The following DNAH14 variants were observed in gnomAD, a reference collection of about 807,000 sequenced individuals.
The protein encoded by DNAH14 is axonemal beta dynein heavy chain 14.
Under a neutral mutation model 520.9 loss-of-function variants are expected in DNAH14, and 478 were observed. The ratio of observed to expected loss-of-function variants is 0.92; its 90% CI spans 0.85 to 0.99. The LOEUF is 0.99. Ranked by LOEUF, DNAH14 falls within the 50% of genes least tolerant of loss-of-function variation. The pLI is 0.00. For missense variants in DNAH14, 4,831 were observed against 5,234.5 expected, an observed-to-expected ratio of 0.92 and a Z score of 2.38; for synonymous variants, 1,581 against 1,757.2, an observed-to-expected ratio of 0.90 and a Z score of 2.51.
In DNAH14 at chr1:225,291,740, A is replaced by AT. The variant is rs544450464; in HGVS notation, c.8469+1664dup. Among the ~76,000 whole-genome samples, 865 of 151,864 alleles carry AT rather than the reference A, an allele frequency of 5.7e-3. 6 individuals carry two copies. Among genetic ancestry groups the AT allele is most frequent in the Non-Finnish European group, 7.6e-3 (518 of 67,890 alleles). ...CTCCACATCTTCACCATCATTTGCT[A>AT]TTTTTTGTCTATTTGATGATAGCCA... is the stretch of plus-strand genomic sequence containing the variant. On this transcript the variant is annotated intron_variant, in intron 55 of 85. Transcript: ENST00000682510.
chr1:225,086,092 A>T (rs3128659), intron 21 of DNAH14, among the ~76,000 whole-genome samples: 140,171 of 151,164 alleles, frequency 0.93, 65,206 homozygotes, highest in Non-Finnish European at 0.96. Context: ...TCCCTCACTG[A>T]GCAACCCCAC....
chr1:224,931,031 C>G (rs954498043), intron 1 of DNAH14, among the ~76,000 whole-genome samples: 3 of 152,184 alleles, frequency 2.0e-5, no homozygotes, highest in African/African-American at 7.2e-5. Flanking sequence ...GAGATGACAG[C>G]TCCATGTGTT....
Position 225,353,553 on chromosome 1 carries a change from C to T in DNAH14, c.11534-250C>T, listed in dbSNP as rs113054524. On this transcript the variant is annotated intron_variant, in intron 72 of 85. Transcript: ENST00000682510. ...ATCTGTCCATCATCTTGTTATATTA[C>T]TATTCATTCACCACTTCAGTTGGTC... Among the ~76,000 whole-genome samples, 3 of 152,210 alleles carry T rather than the reference C, an allele frequency of 2.0e-5. No homozygotes were observed. In the South Asian group the frequency reaches 6.2e-4, roughly 32 times the overall value.
At chr1:225,116,172 G>T (rs948722177) in intron 23 of DNAH14, among the ~76,000 whole-genome samples, 3 of 152,194 alleles carry the variant, frequency 2.0e-5, no homozygotes, top group African/African-American at 7.2e-5. Context: ...ACAGGTTGCA[G>T]ATGGGAAAGT....
Position 224,972,458 on chromosome 1 carries a change from C to T in DNAH14, c.768-1633C>T, listed in dbSNP as rs1558559240. Among the ~76,000 whole-genome samples, 12 of 146,888 alleles carry T rather than the reference C, an allele frequency of 8.2e-5. 1 individual carries two copies. The South Asian group carries it at 1.9e-3, about 23-fold the overall frequency. On this transcript the variant is annotated intron_variant, in intron 7 of 85. Transcript: ENST00000682510. Reference sequence around the variant, plus strand: ...AGCTGGGACTACAGATGCCTACCACCGCACCTGGCTAATTTTTTTTTTTTT... The same window carrying T: ...AGCTGGGACTACAGATGCCTACCACTGCACCTGGCTAATTTTTTTTTTTTT...
intron 56 of DNAH14, among the ~76,000 whole-genome samples, chr1:225,302,583 G>A (rs1322265182): frequency 1.3e-5 from 2 of 152,158 alleles, no homozygotes. Flanking sequence ...TGCCAGTCTT[G>A]CCAAGAACCC....
chr1:225,352,229 G>C (rs2095374876), intron 72 of DNAH14, among the ~76,000 whole-genome samples: 2 of 152,070 alleles, frequency 1.3e-5, no homozygotes, highest in South Asian at 4.1e-4. Flanking sequence ...CATGGGAAAG[G>C]ATCTTACCTT....
At chr1:225,006,876 G>A (rs1012739127) in intron 9 of DNAH14, among the ~76,000 whole-genome samples, 10 of 152,008 alleles carry the variant, frequency 6.6e-5, no homozygotes, top group African/African-American at 2.2e-4. Context: ...CTGGTTTTGC[G>A]GCTCGGGGGC....
In DNAH14 at chr1:225,214,139, G is replaced by A. The variant is rs181077224; in HGVS notation, c.6439+6919G>A. On this transcript the variant is annotated intron_variant, in intron 41 of 85. Coordinates refer to ENST00000682510, the MANE Select transcript of DNAH14 (RefSeq NM_001367479.1). Reference sequence around the variant, plus strand: ...TGAAGAGCTGTTGAATTTTTTCGAAGGCCTTTTCTGTATCTATTGAGATAA... The same window carrying A: ...TGAAGAGCTGTTGAATTTTTTCGAAAGCCTTTTCTGTATCTATTGAGATAA... 5.3e-5 allele frequency among the ~76,000 whole-genome samples: 8 copies of A among 152,188 alleles called. No individual in the cohort carries two copies. The East Asian group carries it at 1.5e-3, about 29-fold the overall frequency.
chr1:225,363,360 T>A (rs1381213249), intron 75 of DNAH14, among the ~76,000 whole-genome samples: 2 of 152,198 alleles, frequency 1.3e-5, no homozygotes, highest in African/African-American at 4.8e-5. Context: ...TTGTATTAAG[T>A]TTTCATGTCT....
At chr1:225,346,795 T>C in intron 71 of DNAH14, 141 bp downstream of exon 71, 1 of 579,010 alleles carries the variant, frequency 1.7e-6, no homozygotes, top group Non-Finnish European at 3.0e-6. Context: ...TGTTACTCAA[T>C]AATTTTTTAA....
chr1:225,194,917 C>T (rs1360953854), intron 38 of DNAH14, among the ~76,000 whole-genome samples: 1 of 152,126 alleles, frequency 6.6e-6, no homozygotes, highest in Non-Finnish European at 1.5e-5. Flanking sequence ...AAAAAATACT[C>T]ATCATCACTA....
chr1:225,195,779 A>G (rs1374683140), intron 38 of DNAH14, among the ~76,000 whole-genome samples: 3 of 152,114 alleles, frequency 2.0e-5, no homozygotes, highest in African/African-American at 4.8e-5. Flanking sequence ...CAGCCCAGCT[A>G]TTATTCAAAA....
rs2094612209 is a variant in DNAH14 at position 225,324,366 on chromosome 1, T to C, written c.9627+13T>C. The C allele has an allele frequency of 1.3e-6, 2 of 1,549,530 alleles. No individual in the cohort carries two copies. Among genetic ancestry groups the C allele is most frequent in the Non-Finnish European group, 1.7e-6 (2 of 1,146,002 alleles). On this transcript the variant is annotated intron_variant, in intron 63 of 85. Transcript: ENST00000682510. ...TGAAGTACAGAAGGTATGCTTTTCC[T>C]CCTAAACATCTGTCATGATTTGGAA...
intron 44 of DNAH14, among the ~76,000 whole-genome samples, chr1:225,257,097 T>C (rs1273114122): frequency 1.3e-5 from 2 of 152,208 alleles, no homozygotes; most frequent in African/African-American, 4.8e-5. Context: ...TTTTGTAATG[T>C]GCAGACTTTT....
At chr1:225,261,426 T>A (rs1054447994) in intron 46 of DNAH14, among the ~76,000 whole-genome samples, 2 of 152,208 alleles carry the variant, frequency 1.3e-5, no homozygotes, top group African/African-American at 2.4e-5. Flanking sequence ...TCTGTTAATA[T>A]GGGATATCAC....
At chr1:224,999,996 T>G (rs189484801) in intron 8 of DNAH14, among the ~76,000 whole-genome samples, 83 of 152,326 alleles carry the variant, frequency 5.4e-4, no homozygotes, top group Non-Finnish European at 9.1e-4. Flanking sequence ...TTTATCATGT[T>G]CTTTCTTCCT....
Position 225,324,313 on chromosome 1 carries a change from A to G in DNAH14, c.9587A>G (p.Gln3196Arg), listed in dbSNP as rs1222888928. 1.3e-6 allele frequency: 2 copies of G among 1,551,938 alleles called. No individual in the cohort carries two copies. Among genetic ancestry groups the G allele is most frequent in the Admixed American group, 2.0e-5 (1 of 51,014 alleles). ...LVSVACCSLC[Q>R]WVIALNNYHE... ...TCTGTTGCTTGTTGCTCCCTGTGCCAGTGGGTTATAGCTTTGAATAACTAC... is the reference window on the plus strand; with the variant it reads ...TCTGTTGCTTGTTGCTCCCTGTGCCGGTGGGTTATAGCTTTGAATAACTAC... Residue 3196 changes from glutamine to arginine, a missense_variant, in exon 63 of 86, where the codon CAG (glutamine) becomes CGG (arginine). Transcript: ENST00000682510.
At chr1:225,218,287 G>A (rs10915806) in intron 41 of DNAH14, among the ~76,000 whole-genome samples, 23,466 of 151,996 alleles carry the variant, frequency 0.15, 2,133 homozygotes, top group East Asian at 0.36. Context: ...TAATGACAGG[G>A]TCAAATTTAC....
Sources: gnomAD v4.1 joint callset for allele counts (sites outside exome capture counted in the v4.1 genomes callset) on GRCh38, gnomAD v4.1.1 for gene constraint, MANE v1.5 for transcripts, NCBI Gene and HGNC (gene_info 2026-07-23, HGNC 2026-07-21) for gene names.